The following CLSTN2 variants were observed in gnomAD, a reference collection of about 807,000 sequenced individuals.
CLSTN2 encodes calsyntenin 2.
In CLSTN2, 48 loss-of-function variants were observed where a neutral mutation model predicts 101.2. The observed-to-expected ratio is 0.47, with a 90% CI of 0.38 to 0.60. The LOEUF (loss-of-function observed/expected upper bound fraction) is 0.60. CLSTN2 is among the 20% of genes least tolerant of loss of function. The pLI, the probability that CLSTN2 is intolerant of heterozygous loss-of-function variation, is 0.00. For missense variants in CLSTN2, 1,160 were observed against 1,238.2 expected, an observed-to-expected ratio of 0.94 and a Z score of 0.95; for synonymous variants, 481 against 463.6, an observed-to-expected ratio of 1.04 and a Z score of -0.48.
chr3:139,996,735 T>C (rs545627301), intron 1 of CLSTN2, among the ~76,000 whole-genome samples: 1 of 152,238 alleles, frequency 6.6e-6, no homozygotes, highest in East Asian at 1.9e-4. Context: ...TAGCTATAAG[T>C]GTTTAATTAT....
At chr3:140,077,438 A>G (rs1389508156) in intron 1 of CLSTN2, among the ~76,000 whole-genome samples, 2 of 152,194 alleles carry the variant, frequency 1.3e-5, no homozygotes, top group Non-Finnish European at 2.9e-5. Flanking sequence ...CACCTGCTCA[A>G]AACTCCTTCC....
chr3:139,976,944 T>G (rs553396440), intron 1 of CLSTN2, among the ~76,000 whole-genome samples: 114 of 152,228 alleles, frequency 7.5e-4, no homozygotes, highest in African/African-American at 2.6e-3. Flanking sequence ...CCTCCAATAA[T>G]GAAGCACCCG....
intron 1 of CLSTN2, among the ~76,000 whole-genome samples, chr3:139,981,366 G>C (rs922796224): frequency 1.3e-5 from 2 of 152,174 alleles, no homozygotes; most frequent in Non-Finnish European, 2.9e-5. Flanking sequence ...TCTTCACAGG[G>C]ACAAGAATGA....
chr3:139,982,983 A>G (rs1037780975), intron 1 of CLSTN2, among the ~76,000 whole-genome samples: 1 of 135,192 alleles, frequency 7.4e-6, no homozygotes, highest in Non-Finnish European at 1.6e-5. Context: ...CTTTATATAT[A>G]TAGTGTATAT....
intron 4 of CLSTN2, among the ~76,000 whole-genome samples, chr3:140,412,394 A>G (rs2088375416): frequency 6.6e-6 from 1 of 152,172 alleles, no homozygotes; most frequent in African/African-American, 2.4e-5. Flanking sequence ...AAAGGTAGTC[A>G]CTGTGGCATA....
chr3:140,285,469 G>A (rs1443208286), intron 2 of CLSTN2, among the ~76,000 whole-genome samples: 6 of 152,166 alleles, frequency 3.9e-5, no homozygotes, highest in Non-Finnish European at 7.4e-5. Context: ...CATCAGAGAA[G>A]CAGTTGCAAA....
At chr3:140,087,765 A>G (rs956549947) in intron 1 of CLSTN2, among the ~76,000 whole-genome samples, 9 of 152,222 alleles carry the variant, frequency 5.9e-5, no homozygotes, top group Admixed American at 5.9e-4. Flanking sequence ...GGAGAGTAAT[A>G]TCATTGAGAG....
chr3:140,555,542 A>G (rs1935775482), intron 10 of CLSTN2, among the ~76,000 whole-genome samples: 1 of 152,228 alleles, frequency 6.6e-6, no homozygotes, highest in Non-Finnish European at 1.5e-5. Context: ...CCATGTGAAT[A>G]TATTATCTAT....
intron 1 of CLSTN2, among the ~76,000 whole-genome samples, chr3:140,120,823 G>A (rs535775838): frequency 2.2e-4 from 34 of 152,286 alleles, no homozygotes; most frequent in Non-Finnish European, 4.1e-4. Flanking sequence ...TCAACCACCT[G>A]GGCTGGAGAA....
At chr3:140,257,039 A>G (rs1002247086) in intron 2 of CLSTN2, among the ~76,000 whole-genome samples, 4 of 152,208 alleles carry the variant, frequency 2.6e-5, no homozygotes, top group Non-Finnish European at 5.9e-5. Context: ...TTGTAATCCC[A>G]GCACTTTGAA....
At chr3:139,936,557 G>A (rs1394438559) in intron 1 of CLSTN2, among the ~76,000 whole-genome samples, 1 of 152,212 alleles carries the variant, frequency 6.6e-6, no homozygotes, top group Non-Finnish European at 1.5e-5. Flanking sequence ...GGGCGGAGGG[G>A]TTTGCGCCTG....
At chr3:140,401,464 CA>C (rs1331760951) in intron 2 of CLSTN2, among the ~76,000 whole-genome samples, 2 of 152,226 alleles carry the variant, frequency 1.3e-5, no homozygotes, top group African/African-American at 4.8e-5. Context: ...GGAAATATGT[CA>C]CCTAAACTTT....
intron 2 of CLSTN2, among the ~76,000 whole-genome samples, chr3:140,249,809 T>C (rs1304550963): frequency 1.3e-5 from 2 of 152,152 alleles, no homozygotes; most frequent in Non-Finnish European, 2.9e-5. Context: ...CAAGAGAACT[T>C]GACAGTGCAG....
At chr3:140,508,721 AC>A in intron 8 of CLSTN2, 1 of 151,348 alleles carries the variant, frequency 6.6e-6, no homozygotes, top group East Asian at 1.9e-4. Flanking sequence ...GGCACTTACA[AC>A]CGACAACAGG....
At chr3:140,143,290 A>G (rs75911826) in intron 1 of CLSTN2, among the ~76,000 whole-genome samples, 4,478 of 152,244 alleles carry the variant, frequency 0.029, 221 homozygotes, top group African/African-American at 0.1. Flanking sequence ...GCCATCTGCA[A>G]GCTGGAGAAC....
chr3:140,291,494 G>C (rs936854233), intron 2 of CLSTN2, among the ~76,000 whole-genome samples: 4 of 151,348 alleles, frequency 2.6e-5, no homozygotes. Context: ...TGATTCCATT[G>C]TCTCTTGAAC....
In CLSTN2 at chr3:140,376,039, A is replaced by G. The variant is rs142305675; in HGVS notation, c.233-27590A>G. On this transcript the variant is annotated intron_variant, in intron 2 of 16. Coordinates refer to ENST00000458420, the MANE Select transcript of CLSTN2 (RefSeq NM_022131.3). ...TAGAAATGAAAAGTTATCAAAAACT[A>G]TAATCTCCCTGTGTCACTCACTCTG... Among the ~76,000 whole-genome samples the G allele has an allele frequency of 8.7e-3, 1,321 of 152,330 alleles. 17 individuals carry two copies. Among genetic ancestry groups the G allele is most frequent in the African/African-American group, 0.03 (1,265 of 41,562 alleles).
At chr3:140,335,192 T>A (rs1384307946) in intron 2 of CLSTN2, among the ~76,000 whole-genome samples, 3 of 152,188 alleles carry the variant, frequency 2.0e-5, no homozygotes, top group African/African-American at 4.8e-5. Context: ...CTGGTCTTGA[T>A]GAAAATCCAA....
At chr3:140,250,610 G>A (rs1317780412) in intron 2 of CLSTN2, among the ~76,000 whole-genome samples, 2 of 152,204 alleles carry the variant, frequency 1.3e-5, no homozygotes, top group Non-Finnish European at 1.5e-5. Flanking sequence ...GTCCCTGCAA[G>A]TGCCTCAGCC....
Sources: gnomAD v4.1 joint callset for allele counts (sites outside exome capture counted in the v4.1 genomes callset) on GRCh38, gnomAD v4.1.1 for gene constraint, MANE v1.5 for transcripts, NCBI Gene and HGNC (gene_info 2026-07-23, HGNC 2026-07-21) for gene names.